FSTL4: variants seen among roughly 807,000 people sequenced by gnomAD.
FSTL4 encodes follistatin like 4.
A neutral mutation model predicts 78.2 loss-of-function variants in FSTL4; 28 were observed. The ratio of observed to expected loss-of-function variants is 0.36; its 90% CI spans 0.27 to 0.49. FSTL4 has a LOEUF of 0.49. Ranked by LOEUF, FSTL4 falls within the 20% of genes least tolerant of loss-of-function variation. The probability of loss-of-function intolerance (pLI) is 0.98; values close to 1 mark genes in which losing one functional copy is unlikely to be tolerated. For missense variants in FSTL4, 922 were observed against 1,084.9 expected (o/e 0.85, Z 2.11); for synonymous variants, 422 against 440.5 (o/e 0.96, Z 0.53).
At chr5:133,767,974 A>G in the FSTL4 span, among the ~76,000 whole-genome samples, 1 of 152,222 alleles carries the variant, frequency 6.6e-6, no homozygotes, top group African/African-American at 2.4e-5. Context: ...CATGGCCAAG[A>G]TTACTCAGGG....
chr5:133,690,673 A>G, the FSTL4 span, among the ~76,000 whole-genome samples: 2 of 152,182 alleles, frequency 1.3e-5, no homozygotes, highest in Admixed American at 1.3e-4. Flanking sequence ...CACGCAGGGG[A>G]TGAACTGAAT....
chr5:133,623,393 T>C, the FSTL4 span, among the ~76,000 whole-genome samples: 3 of 152,026 alleles, frequency 2.0e-5, no homozygotes, highest in Non-Finnish European at 2.9e-5. Context: ...GACTATACAA[T>C]GGAGAAAGAA....
At chr5:133,601,350 C>T (rs778528009) in intron 2 of FSTL4, among the ~76,000 whole-genome samples, 16 of 151,944 alleles carry the variant, frequency 1.1e-4, no homozygotes, top group African/African-American at 1.5e-4. Flanking sequence ...CATATGCTAA[C>T]GTAAAAATAA....
intron 15 of FSTL4, among the ~76,000 whole-genome samples, chr5:133,200,038 A>G (rs1292841018): frequency 3.3e-5 from 5 of 152,204 alleles, no homozygotes; most frequent in Non-Finnish European, 5.9e-5. Flanking sequence ...ACATGCACTC[A>G]TCGTTGGAAA....
rs569728659 is a variant in FSTL4, at chr5:133,507,642, C to T, written c.160+59544G>A. Among the ~76,000 whole-genome samples the T allele has an allele frequency of 2.1e-4, 32 of 151,842 alleles. No homozygotes were observed. The South Asian group carries it at 6.3e-3, about 30-fold the overall frequency. On this transcript the variant is annotated intron_variant, in intron 3 of 15. Coordinates refer to ENST00000265342, the MANE Select transcript of FSTL4 (RefSeq NM_015082.2). Reference sequence around the variant, plus strand: ...GGTTCAAGAGACTCTCCTGCCTCAGCCTCCCAAGTAGCTGGGATTACAGGC... The same window carrying T: ...GGTTCAAGAGACTCTCCTGCCTCAGTCTCCCAAGTAGCTGGGATTACAGGC...
intron 14 of FSTL4, among the ~76,000 whole-genome samples, chr5:133,204,518 C>T (rs1750430427): frequency 6.6e-6 from 1 of 151,996 alleles, no homozygotes; most frequent in Non-Finnish European, 1.5e-5. Context: ...TCTGAGAAGT[C>T]AAGTTGCTGG....
At chr5:133,516,174 C>T (rs1758848489) in intron 3 of FSTL4, among the ~76,000 whole-genome samples, 1 of 151,838 alleles carries the variant, frequency 6.6e-6, no homozygotes, top group African/African-American at 2.4e-5. Flanking sequence ...AAGAAGCTCA[C>T]GTACTATGTA....
At chr5:133,278,659 G>A (rs867343478) in intron 6 of FSTL4, among the ~76,000 whole-genome samples, 1 of 152,308 alleles carries the variant, frequency 6.6e-6, no homozygotes, top group African/African-American at 2.4e-5. Flanking sequence ...GAGGTGCAAG[G>A]AAGACCTCAG....
chr5:133,741,319 G>T, the FSTL4 span, among the ~76,000 whole-genome samples: 1 of 152,236 alleles, frequency 6.6e-6, no homozygotes, highest in Non-Finnish European at 1.5e-5. Flanking sequence ...GTTGCAGCTG[G>T]AGTCTGGCTG....
the FSTL4 span, among the ~76,000 whole-genome samples, chr5:133,759,855 T>TTTTTTTA: frequency 2.0e-5 from 3 of 152,218 alleles, no homozygotes; most frequent in Non-Finnish European, 4.4e-5. Flanking sequence ...TGAGAGGTGA[T>TTTTTTTA]TTTTTTATTT....
At chr5:133,301,006 G>C (rs933653467) in intron 6 of FSTL4, among the ~76,000 whole-genome samples, 1 of 152,198 alleles carries the variant, frequency 6.6e-6, no homozygotes, top group African/African-American at 2.4e-5. Context: ...ACTGTCATCT[G>C]AAAGGGACCC....
At chr5:133,614,573 C>G (rs1173408490), upstream of FSTL4, among the ~76,000 whole-genome samples, 1 of 152,154 alleles carries the variant, frequency 6.6e-6, no homozygotes, top group African/African-American at 2.4e-5. Context: ...AACCTTGACA[C>G]CTCTTTGAAT....
chr5:133,658,784 T>G, the FSTL4 span, among the ~76,000 whole-genome samples: 15 of 152,168 alleles, frequency 9.9e-5, no homozygotes, highest in Non-Finnish European at 2.1e-4. Context: ...ACCTGAGTGC[T>G]GCTTTGAACA....
the FSTL4 span, among the ~76,000 whole-genome samples, chr5:133,670,290 C>G: frequency 6.6e-6 from 1 of 152,192 alleles, no homozygotes; most frequent in South Asian, 2.1e-4. Flanking sequence ...GTTCAAATTG[C>G]AAAAGGACCT....
At chr5:133,489,842 T>C (rs1580742073) in intron 3 of FSTL4, among the ~76,000 whole-genome samples, 1 of 152,166 alleles carries the variant, frequency 6.6e-6, no homozygotes, top group East Asian at 1.9e-4. Context: ...CCCATGAACA[T>C]TAGTGAGATC....
chr5:133,224,349 A>AT, intron 10 of FSTL4, 133 bp from the exon 11 acceptor site: 1 of 661,008 alleles, frequency 1.5e-6, no homozygotes, highest in Non-Finnish European at 2.7e-6. Flanking sequence ...TACAGAATCT[A>AT]TACCACTCAT....
the FSTL4 span, among the ~76,000 whole-genome samples, chr5:133,702,411 C>A: frequency 6.6e-6 from 1 of 152,100 alleles, no homozygotes; most frequent in African/African-American, 2.4e-5. Context: ...AACCCTGGAA[C>A]CTCAGAGCAT....
chr5:133,204,834 C>CAA (rs33932730), intron 14 of FSTL4, among the ~76,000 whole-genome samples: 30,575 of 128,728 alleles, frequency 0.24, 4,214 homozygotes, highest in East Asian at 0.44. Context: ...GATTCTGTCT[C>CAA]AAAAAAAAAA....
chr5:133,469,600 A>T (rs961831157), intron 3 of FSTL4, among the ~76,000 whole-genome samples: 6 of 152,242 alleles, frequency 3.9e-5, no homozygotes, highest in Non-Finnish European at 8.8e-5. Context: ...TGTTTCAAAC[A>T]TTTTAAAAAC....
Sources: gnomAD v4.1 joint callset for allele counts (sites outside exome capture counted in the v4.1 genomes callset) on GRCh38, gnomAD v4.1.1 for gene constraint, MANE v1.5 for transcripts, NCBI Gene and HGNC (gene_info 2026-07-23, HGNC 2026-07-21) for gene names.